Variants in VWA3A observed in about 807,000 individuals in gnomAD.
VWA3A encodes the protein von Willebrand factor A domain-containing protein 3A.
A neutral mutation model predicts 160.4 loss-of-function variants in VWA3A; 134 were observed. The observed-to-expected ratio is 0.84, with a 90% CI of 0.73 to 0.96. VWA3A has a LOEUF of 0.96. Ranked by LOEUF, VWA3A falls within the 40% of genes least tolerant of loss-of-function variation. The probability of loss-of-function intolerance (pLI) is 0.00; values close to 1 mark genes in which losing one functional copy is unlikely to be tolerated. For missense variants in VWA3A, 1,310 were observed against 1,447.9 expected (o/e 0.90, Z 1.55); for synonymous variants, 476 against 543.4 (o/e 0.88, Z 1.72).
At chr16:22,141,807 G>A in intron 24 of VWA3A, 115 bp downstream of exon 24, 1 of 832,576 alleles carries the variant, frequency 1.2e-6, no homozygotes, top group South Asian at 1.9e-5. Flanking sequence ...CTAGGCACTG[G>A]TGCCTCTGGA....
chr16:22,097,535 T>C, intron 2 of VWA3A, 37 bp from the exon 3 acceptor site: 3 of 1,548,924 alleles, frequency 1.9e-6, no homozygotes, highest in South Asian at 1.2e-5. Context: ...CTATGCCCAG[T>C]GCTGGGGCAT....
At chr16:22,097,275 A>AT (rs1328450660) in intron 2 of VWA3A, among the ~76,000 whole-genome samples, 2 of 151,682 alleles carry the variant, frequency 1.3e-5, no homozygotes, top group African/African-American at 4.9e-5. Flanking sequence ...TAGTTCTCTG[A>AT]TTTTGCAAAC....
At chr16:22,129,418 G>GAAAGAA in intron 17 of VWA3A, among the ~76,000 whole-genome samples, 1 of 148,578 alleles carries the variant, frequency 6.7e-6, no homozygotes, top group African/African-American at 2.5e-5. Flanking sequence ...AAGAAAGAAA[G>GAAAGAA]AAAGAAAGAG....
chr16:22,131,240 T>TG lies in VWA3A; in HGVS notation c.1690dup (p.Val564GlyfsTer70), dbSNP rs2045941688. 3 of 1,614,014 alleles carry TG rather than the reference T, an allele frequency of 1.9e-6. No homozygotes were observed. The highest frequency in any genetic ancestry group is 2.5e-6 in the Non-Finnish European group (3 of 1,179,900). ...ACAATTGAAAGCTGGAGGCCTGAGA[T>TG]GGTTCCCGTGAGTCACAACAATTTA... On this transcript the variant is annotated frameshift_variant, in exon 18 of 34. Coordinates refer to ENST00000389398, the MANE Select transcript of VWA3A (RefSeq NM_173615.5). LOFTEE classifies it high-confidence loss of function.
rs200799409 is a variant in VWA3A at position 22,149,877 on chromosome 16, A to G, written c.3075A>G (p.Gln1025=). 3.4e-4 allele frequency: 550 copies of G among 1,612,552 alleles called. 1 individual carries two copies. The highest frequency in any genetic ancestry group is 4.5e-4 in the Non-Finnish European group (531 of 1,179,044). ...TTDAACHEAM[Q]WVTHLQAQGS... ...ATGCAGCGTGTCATGAGGCTATGCA[A>G]TGGGTGACCCACCTGCAAGCTCAGG... Residue 1025 remains glutamine (Q), a synonymous_variant, in exon 29 of 34, where the codon CAA becomes CAG. Coordinates refer to ENST00000389398, the MANE Select transcript of VWA3A (RefSeq NM_173615.5).
intron 10 of VWA3A, 80 bp downstream of exon 10, chr16:22,116,947 G>A: frequency 6.8e-7 from 1 of 1,464,494 alleles, no homozygotes; most frequent in Non-Finnish European, 9.5e-7. Context: ...CTCATGCTTG[G>A]ACAGGCCCCC....
rs1007508310 is a variant in VWA3A at position 22,123,142 on chromosome 16, C to T, written c.1414C>T (p.Pro472Ser). ...DGTVKNIHVD[P>S]PFLYKYQQQL... Reference sequence around the variant, plus strand: ...GACAGTGAAGAACATTCATGTGGACCCACCCTTCCTCTATAAGTACCAGGT... The same window carrying T: ...GACAGTGAAGAACATTCATGTGGACTCACCCTTCCTCTATAAGTACCAGGT... The change falls in exon 15 of 34, where the codon CCA (proline) becomes TCA (serine). Residue 472 changes from proline (P) to serine (S), a missense_variant. Pro to Ser is a moderately conservative substitution (Grantham distance 74, BLOSUM62 -1). Coordinates refer to ENST00000389398, the MANE Select transcript of VWA3A (RefSeq NM_173615.5). 5 of 1,604,800 alleles carry T rather than the reference C, an allele frequency of 3.1e-6. No homozygotes were observed. In the African/African-American group the frequency reaches 6.7e-5, roughly 21 times the overall value.
intron 7 of VWA3A, 81 bp downstream of exon 7, chr16:22,109,661 G>T (rs754383865): frequency 8.7e-5 from 106 of 1,222,514 alleles, no homozygotes; most frequent in Non-Finnish European, 1.1e-4. Context: ...TGACGAGCTT[G>T]TTTATAGCAA....
intron 5 of VWA3A, among the ~76,000 whole-genome samples, chr16:22,102,247 G>T (rs890375432): frequency 2.0e-5 from 3 of 152,050 alleles, no homozygotes; most frequent in Non-Finnish European, 2.9e-5. Flanking sequence ...GCTACTTAAA[G>T]GCTGAGGTGA....
chr16:22,147,819 T>C (rs7193079), intron 27 of VWA3A, among the ~76,000 whole-genome samples: 67,121 of 152,176 alleles, frequency 0.44, 20,005 homozygotes, highest in African/African-American at 0.84. Flanking sequence ...TCTAATATTT[T>C]AAAACAATGT....
chr16:22,142,562 C>G, intron 24 of VWA3A, 106 bp from the exon 25 acceptor site: 1 of 801,316 alleles, frequency 1.2e-6, no homozygotes, highest in Non-Finnish European at 2.1e-6. Context: ...ATGACCCAAA[C>G]ACCTCCCATT....
chr16:22,109,049 C>T (rs2045518014), intron 6 of VWA3A, among the ~76,000 whole-genome samples: 1 of 152,142 alleles, frequency 6.6e-6, no homozygotes, highest in Admixed American at 6.5e-5. Flanking sequence ...TCAGAGATAC[C>T]ATTGCAGCTG....
chr16:22,096,847 TTTC>T lies in VWA3A; in HGVS notation c.15-6_15-4del. 1.3e-6 allele frequency: 2 copies of T among 1,520,324 alleles called. No individual in the cohort carries two copies. The highest frequency in any genetic ancestry group is 2.4e-5 in the South Asian group (2 of 83,090). 94.2% of individuals were successfully genotyped at this position (1,520,324 alleles called of 1,614,324 possible). On this transcript the variant is annotated splice_polypyrimidine_tract_variant and intron_variant, in intron 1 of 33. Coordinates refer to ENST00000389398, the MANE Select transcript of VWA3A (RefSeq NM_173615.5). ...CATTTATCCTGTTTTCTGGTATTCT[TTTC>T]TTCTTTAGGAAAATAAGCATTGGGT...
At chr16:22,099,995 A>C (rs1011271759) in intron 3 of VWA3A, among the ~76,000 whole-genome samples, 199 bp from the exon 4 acceptor site, 1 of 152,062 alleles carries the variant, frequency 6.6e-6, no homozygotes, top group African/African-American at 2.4e-5. Context: ...GAATCACTTG[A>C]ACCTGGGAGG....
intron 11 of VWA3A, among the ~76,000 whole-genome samples, chr16:22,118,301 ATAAATTATTATTATTAT>A (rs1449005724): frequency 6.6e-6 from 1 of 151,960 alleles, no homozygotes; most frequent in Non-Finnish European, 1.5e-5. Flanking sequence ...AACAAAATAA[ATAAATTATTATTATTAT>A]TATAGCCATC....
chr16:22,142,827 C>A (rs1408384905), intron 25 of VWA3A, 62 bp downstream of exon 25: 2 of 1,268,434 alleles, frequency 1.6e-6, no homozygotes, highest in South Asian at 1.3e-5. Context: ...GTCCACCAAC[C>A]ATTACTTCTA....
intron 6 of VWA3A, among the ~76,000 whole-genome samples, chr16:22,104,690 A>G (rs2045456305): frequency 6.6e-6 from 1 of 152,000 alleles, no homozygotes; most frequent in Non-Finnish European, 1.5e-5. Flanking sequence ...TAAAAAAAAA[A>G]AATTTTTTTT....
At chr16:22,129,402 A>AAAAGAAAGAAAGAAAGAAAGAAAG (rs1555458652) in intron 17 of VWA3A, among the ~76,000 whole-genome samples, 1 of 118,980 alleles carries the variant, frequency 8.4e-6, no homozygotes, top group African/African-American at 4.1e-5. Flanking sequence ...AAAAAAAAAA[A>AAAAGAAAGAAAGAAAGAAAGAAAG]AAAGAAAGAA....
chr16:22,155,759 C>A, intron 32 of VWA3A, 92 bp from the exon 33 acceptor site: 5 of 1,604,784 alleles, frequency 3.1e-6, no homozygotes, highest in Non-Finnish European at 2.6e-6. Context: ...ATGATGGTAC[C>A]CTTGCTCCAA....
Sources: gnomAD v4.1 joint callset for allele counts (sites outside exome capture counted in the v4.1 genomes callset) on GRCh38, gnomAD v4.1.1 for gene constraint, MANE v1.5 for transcripts, NCBI Gene and HGNC (gene_info 2026-07-23, HGNC 2026-07-21) for gene names.